The following ADAMTS20 variants were observed in gnomAD, a reference collection of about 807,000 sequenced individuals.
ADAMTS20 encodes ADAM metallopeptidase with thrombospondin type 1 motif 20.
Under a neutral mutation model 260.1 loss-of-function variants are expected in ADAMTS20, and 225 were observed. That is an observed-to-expected ratio of 0.87 (90% CI 0.78 to 0.97). The LOEUF (loss-of-function observed/expected upper bound fraction) is 0.97. ADAMTS20 is among the 50% of genes least tolerant of loss of function. The pLI is 0.00. For synonymous variants in ADAMTS20, 802 were observed against 769.5 expected (o/e 1.04, Z -0.70); for missense variants, 2,400 against 2,337.7 (o/e 1.03, Z -0.55).
intron 2 of ADAMTS20, among the ~76,000 whole-genome samples, chr12:43,540,176 A>G (rs1943358169): frequency 6.6e-6 from 1 of 152,148 alleles, no homozygotes; most frequent in Non-Finnish European, 1.5e-5. Context: ...GGCCAACCAC[A>G]GAATTCTTTT....
intron 38 of ADAMTS20, among the ~76,000 whole-genome samples, chr12:43,355,759 A>T (rs1292872036): frequency 6.6e-6 from 1 of 152,168 alleles, no homozygotes; most frequent in Non-Finnish European, 1.5e-5. Context: ...AATAGAAAGC[A>T]TTTCATGAAG....
In ADAMTS20 at chr12:43,471,391, C is replaced by T. The variant is rs1469386965; in HGVS notation, c.1118-2686G>A. ...AGCAGTCTGAGATCAAACTGCAAGG[C>T]GGCAGCGAGGCTGGGGGAGGGGCGC... On this transcript the variant is annotated intron_variant, in intron 7 of 38. Transcript: ENST00000389420. 8.0e-5 allele frequency among the ~76,000 whole-genome samples: 10 copies of T among 125,038 alleles called. No individual in the cohort carries two copies. In the South Asian group the frequency reaches 1.9e-3, roughly 24 times the overall value. 82.0% of individuals were successfully genotyped at this position (125,038 alleles called of 152,430 possible). A position where few individuals can be genotyped will look rare whatever the true frequency, so the allele number is the denominator to read the frequency against.
At chr12:43,408,509 C>G (rs1940962277) in intron 28 of ADAMTS20, among the ~76,000 whole-genome samples, 1 of 151,952 alleles carries the variant, frequency 6.6e-6, no homozygotes, top group East Asian at 1.9e-4. Flanking sequence ...AGCCATAAAG[C>G]CAAGAACTAT....
rs1311307410 is a variant in ADAMTS20, at chr12:43,502,128, A to T, written c.867+24T>A. ...TTAAGCTAAACATTTTAGGAAATAT[A>T]AAAGTCATATTAAGTTTACTTACAA... On this transcript the variant is annotated intron_variant, in intron 4 of 38. Coordinates refer to ENST00000389420, the MANE Select transcript of ADAMTS20 (RefSeq NM_025003.5). 3 of 1,513,038 alleles carry T rather than the reference A, an allele frequency of 2.0e-6. No homozygotes were observed. In the South Asian group the frequency reaches 4.0e-5, roughly 20 times the overall value. 93.7% of individuals were successfully genotyped at this position (1,513,038 alleles called of 1,614,324 possible). A position where few individuals can be genotyped will look rare whatever the true frequency, so the allele number is the denominator to read the frequency against.
At chr12:43,462,669 C>T (rs1271480760) in intron 11 of ADAMTS20, among the ~76,000 whole-genome samples, 1 of 152,034 alleles carries the variant, frequency 6.6e-6, no homozygotes, top group Admixed American at 6.5e-5. Context: ...TATTTATATG[C>T]TAACTATACA....
At chr12:43,388,534 G>A (rs1000430538) in intron 29 of ADAMTS20, among the ~76,000 whole-genome samples, 1 of 152,200 alleles carries the variant, frequency 6.6e-6, no homozygotes, top group Non-Finnish European at 1.5e-5. Context: ...TGGAAAACTG[G>A]CTGTGTAAAC....
rs533713389 is a variant in ADAMTS20 at position 43,469,977 on chromosome 12, G to T, written c.1118-1272C>A. Among the ~76,000 whole-genome samples, 89 of 152,244 alleles carry T rather than the reference G, an allele frequency of 5.8e-4. 1 individual carries two copies. Among genetic ancestry groups the T allele is most frequent in the East Asian group, 7.7e-4 (4 of 5,174 alleles). ...CATCAAAAGGTCTTGCTTCGGCAAG[G>T]TCCCTCCAGAAAACGAGCTTTTTCC... On this transcript the variant is annotated intron_variant, in intron 7 of 38. Transcript: ENST00000389420.
chr12:43,389,910 G>T (rs1450035828), intron 29 of ADAMTS20, among the ~76,000 whole-genome samples: 1 of 152,118 alleles, frequency 6.6e-6, no homozygotes, highest in Admixed American at 6.5e-5. Context: ...TGAAATTTAG[G>T]CGGAAGTTGC....
At chr12:43,406,173 T>C (rs553912565) in intron 28 of ADAMTS20, among the ~76,000 whole-genome samples, 3 of 152,302 alleles carry the variant, frequency 2.0e-5, no homozygotes, top group East Asian at 3.9e-4. Context: ...CATATTATAA[T>C]AGCTAAAGAT....
intron 37 of ADAMTS20, among the ~76,000 whole-genome samples, chr12:43,359,950 A>G (rs1283127972): frequency 6.6e-6 from 1 of 152,222 alleles, no homozygotes; most frequent in African/African-American, 2.4e-5. Context: ...TTTCTCAGAA[A>G]TGACTCTAAA....
At chr12:43,369,549 C>T (rs1025829349) in intron 36 of ADAMTS20, among the ~76,000 whole-genome samples, 168 bp from the exon 37 acceptor site, 6 of 151,850 alleles carry the variant, frequency 4.0e-5, no homozygotes, top group African/African-American at 1.5e-4. Flanking sequence ...AGAATAAGCT[C>T]TCATTGAACA....
intron 4 of ADAMTS20, among the ~76,000 whole-genome samples, chr12:43,501,055 C>CTTTTTTTT (rs79075751): frequency 0.012 from 1,260 of 104,720 alleles, 62 homozygotes; most frequent in East Asian, 0.032. Context: ...CTATGTAATT[C>CTTTTTTTT]TTTTTTTTTT....
chr12:43,497,889 C>T (rs1942700018), intron 4 of ADAMTS20, among the ~76,000 whole-genome samples: 1 of 152,014 alleles, frequency 6.6e-6, no homozygotes, highest in Non-Finnish European at 1.5e-5. Context: ...CCCTTACAAA[C>T]ACAATGAAGT....
intron 37 of ADAMTS20, among the ~76,000 whole-genome samples, chr12:43,364,190 TA>T (rs1055368450): frequency 2.0e-5 from 3 of 151,500 alleles, no homozygotes; most frequent in African/African-American, 4.9e-5. Flanking sequence ...GCCAGGTAAT[TA>T]AAAAAAATAC....
intron 7 of ADAMTS20, among the ~76,000 whole-genome samples, chr12:43,478,497 T>C (rs1292679548): frequency 1.3e-5 from 2 of 151,986 alleles, no homozygotes; most frequent in Non-Finnish European, 2.9e-5. Flanking sequence ...TTTTCCAAAA[T>C]TGCTGGAAGA....
At position 43,530,603 on chromosome 12, in the gene ADAMTS20, C is replaced by T. The variant is rs117118666; in HGVS notation, c.613+1433G>A. Among the ~76,000 whole-genome samples, 282 of 152,236 alleles carry T rather than the reference C, an allele frequency of 1.9e-3. 1 individual carries two copies. The highest frequency in any genetic ancestry group is 6.8e-3 in the Middle Eastern group (2 of 294). The stretch of plus-strand genomic sequence containing the variant: ...TCACAGTGTTTGGAACTATAGTTTA[C>T]GGACACCTACGATCTCAAATAAATC... On this transcript the variant is annotated intron_variant, in intron 3 of 38. Coordinates refer to ENST00000389420, the MANE Select transcript of ADAMTS20 (RefSeq NM_025003.5).
At chr12:43,385,626 T>A (rs1565675130) in intron 29 of ADAMTS20, among the ~76,000 whole-genome samples, 1 of 152,206 alleles carries the variant, frequency 6.6e-6, no homozygotes. Context: ...AATTTTTGTA[T>A]AAGGTGTAAG....
At chr12:43,526,154 T>TA (rs1943138885) in intron 3 of ADAMTS20, among the ~76,000 whole-genome samples, 1 of 152,140 alleles carries the variant, frequency 6.6e-6, no homozygotes, top group African/African-American at 2.4e-5. Context: ...AATACATTTT[T>TA]AAAAATAGGA....
rs115266207 is a variant in ADAMTS20, at chr12:43,547,073, T to C, written c.453+3836A>G. The stretch of plus-strand genomic sequence containing the variant: ...TCTAAAAGTGGGGGAAATTTAACCA[T>C]ATAGAAATTAAAAGAAAGTATTAGT... On this transcript the variant is annotated intron_variant, in intron 2 of 38. Transcript: ENST00000389420. Among the ~76,000 whole-genome samples, 567 of 152,258 alleles carry C rather than the reference T, an allele frequency of 3.7e-3. 5 individuals carry two copies. The highest frequency in any genetic ancestry group is 0.013 in the African/African-American group (539 of 41,546).
Sources: allele counts gnomAD v4.1 joint callset (sites outside exome capture counted in the v4.1 genomes callset), GRCh38; gene constraint gnomAD v4.1.1; transcripts MANE v1.5; gene names NCBI Gene and HGNC (gene_info 2026-07-23, HGNC 2026-07-21).